Variants in GRIP1 observed in about 807,000 individuals in gnomAD.
GRIP1 encodes glutamate receptor interacting protein 1, also known as glutamate receptor-interacting protein 1.
Under a neutral mutation model 129.9 loss-of-function variants are expected in GRIP1, and 45 were observed. The observed-to-expected ratio is 0.35, with a 90% CI of 0.27 to 0.44. The LOEUF (loss-of-function observed/expected upper bound fraction) is 0.44, where lower values mean the gene tolerates loss of function less well. Among genes scored for constraint, GRIP1 ranks in the 20% least tolerant of loss-of-function variants. The pLI, the probability that GRIP1 is intolerant of heterozygous loss-of-function variation, is 1.00. For synonymous variants in GRIP1, 530 were observed against 520.8 expected (o/e 1.02, Z -0.24); for missense variants, 1,196 against 1,396.8 (o/e 0.86, Z 2.29).
At chr12:66,366,516 T>G (rs1285868588) in intron 23 of GRIP1, among the ~76,000 whole-genome samples, 1 of 152,132 alleles carries the variant, frequency 6.6e-6, no homozygotes. Context: ...GTGACTGAAA[T>G]GTCCAAGTGT....
intron 1 of GRIP1, among the ~76,000 whole-genome samples, chr12:66,828,790 G>A (rs2039463536): frequency 6.6e-6 from 1 of 152,160 alleles, no homozygotes; most frequent in Admixed American, 6.6e-5. Context: ...TTGTTTTCAA[G>A]TGTGTTTTAT....
chr12:66,708,128 C>T (rs1415247776), intron 1 of GRIP1, among the ~76,000 whole-genome samples: 1 of 151,922 alleles, frequency 6.6e-6, no homozygotes, highest in African/African-American at 2.4e-5. Context: ...GTGAACTGGT[C>T]CATAAAATCT....
intron 1 of GRIP1, among the ~76,000 whole-genome samples, chr12:66,868,708 T>C (rs1811148117): frequency 6.6e-6 from 1 of 152,074 alleles, no homozygotes; most frequent in Non-Finnish European, 1.5e-5. Flanking sequence ...ACTGTGGCCA[T>C]TATTAAGGAA....
intron 2 of GRIP1, among the ~76,000 whole-genome samples, chr12:66,577,698 C>G (rs973307191): frequency 1.3e-5 from 2 of 152,168 alleles, no homozygotes; most frequent in Non-Finnish European, 2.9e-5. Context: ...GCCTGTAATT[C>G]CAGTACTTTG....
At chr12:66,626,048 C>T (rs1349378744) in intron 1 of GRIP1, among the ~76,000 whole-genome samples, 1 of 152,014 alleles carries the variant, frequency 6.6e-6, no homozygotes, top group Admixed American at 6.6e-5. Context: ...TTATCAGTCT[C>T]AAAAACACAA....
chr12:66,620,179 T>A (rs1258245930), intron 1 of GRIP1, among the ~76,000 whole-genome samples: 1 of 152,216 alleles, frequency 6.6e-6, no homozygotes, highest in East Asian at 1.9e-4. Context: ...TCCTGAAGAA[T>A]ATGAATATGT....
In GRIP1 at chr12:66,349,361, C is replaced by T. The variant is rs148313885; in HGVS notation, c.3160-115G>A. On this transcript the variant is annotated intron_variant, in intron 24 of 24. Coordinates refer to ENST00000359742, the MANE Select transcript of GRIP1 (RefSeq NM_001366722.1). ...GAAGTCATGAAGGTGCTAAAATGAG[C>T]GCCATGAGGTCTATCCTTGTGACTA... 3,632 of 785,918 alleles carry T rather than the reference C, an allele frequency of 4.6e-3. 32 individuals carry two copies. Among genetic ancestry groups the T allele is most frequent in the South Asian group, 0.015 (1,050 of 69,466 alleles). The allele number at this position is 785,918 out of a possible 1,614,324, so 48.7% of individuals were successfully genotyped here. A position where few individuals can be genotyped will look rare whatever the true frequency, so the allele number is the denominator to read the frequency against.
At chr12:67,045,413 T>G (rs1159415254) in intron 1 of GRIP1, among the ~76,000 whole-genome samples, 1 of 152,164 alleles carries the variant, frequency 6.6e-6, no homozygotes. Context: ...AATCCTGTAT[T>G]TATTACTCAA....
chr12:66,446,250 C>T (rs999172230), intron 11 of GRIP1, among the ~76,000 whole-genome samples: 6 of 152,064 alleles, frequency 3.9e-5, no homozygotes, highest in Admixed American at 3.3e-4. Context: ...GCAGACATCT[C>T]CATCTTATTT....
At chr12:66,409,090 G>A (rs187446647) in intron 15 of GRIP1, among the ~76,000 whole-genome samples, 19 of 152,282 alleles carry the variant, frequency 1.2e-4, no homozygotes, top group African/African-American at 4.6e-4. Context: ...GGGCCAGGGG[G>A]AGCTCACTGC....
At chr12:66,822,403 G>A (rs2039336578) in intron 1 of GRIP1, among the ~76,000 whole-genome samples, 1 of 152,208 alleles carries the variant, frequency 6.6e-6, no homozygotes, top group African/African-American at 2.4e-5. Flanking sequence ...TTGCTGGTAG[G>A]ATTGCAAATT....
At chr12:66,409,514 T>C (rs1413222838) in intron 15 of GRIP1, among the ~76,000 whole-genome samples, 2 of 152,142 alleles carry the variant, frequency 1.3e-5, no homozygotes, top group African/African-American at 4.8e-5. Flanking sequence ...ACCAAAAACT[T>C]AGATCACAAC....
chr12:66,541,735 A>T (rs926656313), intron 3 of GRIP1, 80 bp downstream of exon 3: 23 of 1,416,514 alleles, frequency 1.6e-5, no homozygotes, highest in Non-Finnish European at 2.2e-5. Flanking sequence ...TTTATTAGTG[A>T]CCACTTTTGA....
At chr12:66,456,680 G>GC (rs769778052) in intron 9 of GRIP1, among the ~76,000 whole-genome samples, 5 of 151,768 alleles carry the variant, frequency 3.3e-5, no homozygotes, top group South Asian at 2.1e-4. Context: ...TTAAAAGTCA[G>GC]CCCCTCAAAG....
intron 1 of GRIP1, among the ~76,000 whole-genome samples, chr12:67,015,291 G>C (rs2042769495): frequency 6.6e-6 from 1 of 152,104 alleles, no homozygotes; most frequent in Non-Finnish European, 1.5e-5. Flanking sequence ...TGCAATCTTT[G>C]CTATATAAAT....
At chr12:66,876,614 T>G (rs1234345402) in intron 1 of GRIP1, among the ~76,000 whole-genome samples, 2 of 152,068 alleles carry the variant, frequency 1.3e-5, no homozygotes, top group African/African-American at 4.8e-5. Flanking sequence ...TCTTAACTAG[T>G]TGAGTGACTG....
chr12:66,485,776 A>G (rs1488018017), intron 7 of GRIP1, among the ~76,000 whole-genome samples: 1 of 151,942 alleles, frequency 6.6e-6, no homozygotes. Flanking sequence ...CCACATGGAT[A>G]TAATTGATCC....
At chr12:66,658,111 CATAA>C (rs1486325779) in intron 1 of GRIP1, among the ~76,000 whole-genome samples, 1 of 151,892 alleles carries the variant, frequency 6.6e-6, no homozygotes, top group South Asian at 2.1e-4. Context: ...AGTTAATAAA[CATAA>C]ATAAACATAT....
chr12:66,777,498 G>A (rs2038019856), intron 1 of GRIP1, among the ~76,000 whole-genome samples: 1 of 152,082 alleles, frequency 6.6e-6, no homozygotes, highest in Non-Finnish European at 1.5e-5. Context: ...CAGTACCTAT[G>A]ACTTTCTAAC....
Sources: gnomAD v4.1 joint callset for allele counts (sites outside exome capture counted in the v4.1 genomes callset) on GRCh38, gnomAD v4.1.1 for gene constraint, MANE v1.5 for transcripts, NCBI Gene and HGNC (gene_info 2026-07-23, HGNC 2026-07-21) for gene names.